ADAMTSL1: variants seen among roughly 807,000 people sequenced by gnomAD.
The protein encoded by ADAMTSL1 is ADAMTS like 1.
Under a neutral mutation model 201.8 loss-of-function variants are expected in ADAMTSL1, and 126 were observed. The ratio of observed to expected loss-of-function variants is 0.62; its 90% CI spans 0.54 to 0.72. The LOEUF (loss-of-function observed/expected upper bound fraction) is 0.72, where lower values mean the gene tolerates loss of function less well. ADAMTSL1 is among the 30% of genes least tolerant of loss of function. The pLI, the probability that ADAMTSL1 is intolerant of heterozygous loss-of-function variation, is 0.00. For synonymous variants in ADAMTSL1, 1,121 were observed against 903.4 expected (o/e 1.24, Z -4.32); for missense variants, 2,679 against 2,277.8 (o/e 1.18, Z -3.59).
chr9:18,192,537 G>C (rs1488249838), intron 2 of ADAMTSL1, among the ~76,000 whole-genome samples: 2 of 152,092 alleles, frequency 1.3e-5, no homozygotes, highest in African/African-American at 4.8e-5. Context: ...TGTCAAAATG[G>C]CTTTGGAAAA....
intron 2 of ADAMTSL1, among the ~76,000 whole-genome samples, chr9:18,460,995 C>G (rs1471223491): frequency 6.6e-6 from 1 of 152,122 alleles, no homozygotes; most frequent in Non-Finnish European, 1.5e-5. Flanking sequence ...AGAACACTGT[C>G]ATTTTGCAAG....
chr9:18,421,559 G>C (rs1818950000), intron 2 of ADAMTSL1, among the ~76,000 whole-genome samples: 1 of 152,170 alleles, frequency 6.6e-6, no homozygotes, highest in Non-Finnish European at 1.5e-5. Context: ...CCCATGTGCT[G>C]GCTGTTGAAA....
intron 2 of ADAMTSL1, among the ~76,000 whole-genome samples, chr9:18,261,170 A>G (rs969272507): frequency 6.6e-6 from 1 of 151,922 alleles, no homozygotes; most frequent in Admixed American, 6.6e-5. Context: ...ACACAGGAGT[A>G]GGGTGAAGCC....
chr9:17,982,914 T>A (rs1818768861), intron 1 of ADAMTSL1, among the ~76,000 whole-genome samples: 1 of 151,994 alleles, frequency 6.6e-6, no homozygotes, highest in Non-Finnish European at 1.5e-5. Flanking sequence ...TTCTCAATCC[T>A]GGCTGCATAT....
intron 2 of ADAMTSL1, among the ~76,000 whole-genome samples, chr9:18,173,845 C>T (rs909152338): frequency 2.5e-4 from 38 of 152,178 alleles, no homozygotes; most frequent in African/African-American, 8.2e-4. Context: ...GAGGCCCTTC[C>T]GAAAGAGAAC....
chr9:18,891,167 T>C (rs1829241915), intron 25 of ADAMTSL1, among the ~76,000 whole-genome samples: 1 of 128,068 alleles, frequency 7.8e-6, no homozygotes, highest in Non-Finnish European at 1.8e-5. Flanking sequence ...AAGCCAGATG[T>C]GGCGCCGCTT....
In ADAMTSL1 at chr9:18,840,352, A is replaced by G. The variant is rs529400028; in HGVS notation, c.4249+10375A>G. Among the ~76,000 whole-genome samples the G allele has an allele frequency of 1.2e-3, 184 of 151,978 alleles. 1 individual carries two copies. In the Middle Eastern group the frequency reaches 0.014, roughly 11 times the overall value. ...TCAAAGATCAGATAGTTGTAGATCT[A>G]TGGCATTATTTCTGAGGACTCTGTT... On this transcript the variant is annotated intron_variant, in intron 23 of 28. Coordinates refer to ENST00000380548, the MANE Select transcript of ADAMTSL1 (RefSeq NM_001040272.6).
rs111794100 is a variant in ADAMTSL1 at position 18,816,044 on chromosome 9, A to G, written c.3806-1065A>G. On this transcript the variant is annotated intron_variant, in intron 20 of 28. Coordinates refer to ENST00000380548, the MANE Select transcript of ADAMTSL1 (RefSeq NM_001040272.6). ...TTCCCCTAGATATTTTGAAATATAC[A>G]CATAGTCACCCTACTGTGCAATATA... 6.7e-3 allele frequency among the ~76,000 whole-genome samples: 1,026 copies of G among 152,270 alleles called. 10 individuals carry two copies. The highest frequency in any genetic ancestry group is 0.023 in the African/African-American group (961 of 41,532).
intron 14 of ADAMTSL1, among the ~76,000 whole-genome samples, chr9:18,711,518 C>T (rs1479569756): frequency 6.6e-6 from 1 of 152,242 alleles, no homozygotes; most frequent in Non-Finnish European, 1.5e-5. Flanking sequence ...CACTCCCACC[C>T]AAATACTGCG....
At chr9:18,124,558 C>A (rs1311508207) in intron 1 of ADAMTSL1, among the ~76,000 whole-genome samples, 1 of 151,920 alleles carries the variant, frequency 6.6e-6, no homozygotes, top group African/African-American at 2.4e-5. Context: ...TGGGAATGTC[C>A]TTTGATGCAT....
intron 1 of ADAMTSL1, among the ~76,000 whole-genome samples, chr9:17,917,332 A>AT (rs1192869066): frequency 1.3e-5 from 2 of 152,098 alleles, no homozygotes; most frequent in African/African-American, 4.8e-5. Flanking sequence ...CTTGTTTATC[A>AT]TTAAGTATGA....
intron 1 of ADAMTSL1, among the ~76,000 whole-genome samples, chr9:18,053,984 C>T (rs1033817778): frequency 2.0e-5 from 3 of 151,954 alleles, no homozygotes; most frequent in African/African-American, 7.2e-5. Flanking sequence ...TGATGACGTA[C>T]TGCTTCTCTT....
intron 7 of ADAMTSL1, among the ~76,000 whole-genome samples, chr9:18,657,143 A>G (rs1806123001): frequency 6.6e-6 from 1 of 152,218 alleles, no homozygotes; most frequent in African/African-American, 2.4e-5. Context: ...TCGCACACTA[A>G]ATGGACAAGA....
intron 1 of ADAMTSL1, among the ~76,000 whole-genome samples, chr9:17,983,810 TA>T (rs557528636): frequency 3.5e-4 from 53 of 149,654 alleles, no homozygotes; most frequent in Middle Eastern, 3.4e-3. Flanking sequence ...CTTTTGAAGT[TA>T]AAAAAAAAAT....
intron 2 of ADAMTSL1, among the ~76,000 whole-genome samples, chr9:18,361,357 T>C (rs942923643): frequency 1.3e-5 from 2 of 152,226 alleles, no homozygotes; most frequent in African/African-American, 4.8e-5. Context: ...CTTTTTAGTG[T>C]ATTTCACTTG....
At chr9:18,058,323 A>T (rs747586275) in intron 1 of ADAMTSL1, among the ~76,000 whole-genome samples, 1 of 152,198 alleles carries the variant, frequency 6.6e-6, no homozygotes, top group South Asian at 2.1e-4. Flanking sequence ...GTACCTAAAT[A>T]TAAGATTTCT....
At chr9:18,336,926 C>G (rs1835264399) in intron 2 of ADAMTSL1, among the ~76,000 whole-genome samples, 3 of 152,068 alleles carry the variant, frequency 2.0e-5, no homozygotes. Flanking sequence ...TCACTGTGTG[C>G]CAGACATTGT....
chr9:18,457,203 T>TA (rs894646675), intron 2 of ADAMTSL1, among the ~76,000 whole-genome samples: 3 of 151,922 alleles, frequency 2.0e-5, no homozygotes, highest in African/African-American at 7.2e-5. Flanking sequence ...GATATTACTT[T>TA]AAAAAAAGCA....
At chr9:18,104,680 C>T (rs1372422001) in intron 1 of ADAMTSL1, among the ~76,000 whole-genome samples, 1 of 152,198 alleles carries the variant, frequency 6.6e-6, no homozygotes, top group Admixed American at 6.5e-5. Context: ...AAAGCCCAGA[C>T]TTCACCACTA....
Sources: allele counts gnomAD v4.1 joint callset (sites outside exome capture counted in the v4.1 genomes callset), GRCh38; gene constraint gnomAD v4.1.1; transcripts MANE v1.5; gene names NCBI Gene and HGNC (gene_info 2026-07-23, HGNC 2026-07-21).